Variants in ENOX1 observed in about 807,000 individuals in gnomAD.
The protein encoded by ENOX1 is candidate growth-related and time keeping constitutive hydroquinone (NADH) oxidase.
Under a neutral mutation model 82.5 loss-of-function variants are expected in ENOX1, and 42 were observed. That is an observed-to-expected ratio of 0.51 (90% CI 0.40 to 0.66). The LOEUF (loss-of-function observed/expected upper bound fraction) is 0.66, where lower values mean the gene tolerates loss of function less well. Ranked by LOEUF, ENOX1 falls within the 30% of genes least tolerant of loss-of-function variation. ENOX1 has a pLI of 0.00. For missense variants in ENOX1, 608 were observed against 811.6 expected, an observed-to-expected ratio of 0.75 and a Z score of 3.05; for synonymous variants, 271 against 282.2, an observed-to-expected ratio of 0.96 and a Z score of 0.40.
intron 16 of ENOX1, among the ~76,000 whole-genome samples, chr13:43,219,481 C>A (rs1026927714): frequency 2.6e-5 from 4 of 152,010 alleles, no homozygotes; most frequent in African/African-American, 9.7e-5. Flanking sequence ...AAATTTGTGG[C>A]CTATATATTT....
At chr13:43,277,012 C>A (rs1366593936) in intron 12 of ENOX1, among the ~76,000 whole-genome samples, 1 of 152,196 alleles carries the variant, frequency 6.6e-6, no homozygotes, top group Non-Finnish European at 1.5e-5. Flanking sequence ...TGGTGCCCCC[C>A]TCCCTGCCTC....
intron 1 of ENOX1, among the ~76,000 whole-genome samples, chr13:43,714,466 C>T (rs1342958066): frequency 2.0e-5 from 3 of 152,040 alleles, no homozygotes; most frequent in Admixed American, 2.0e-4. Context: ...TCCTGGGTAT[C>T]TTTGTTAACT....
At chr13:43,380,834 G>C (rs2051991080) in intron 5 of ENOX1, among the ~76,000 whole-genome samples, 1 of 151,616 alleles carries the variant, frequency 6.6e-6, no homozygotes, top group Admixed American at 6.6e-5. Context: ...TAATGATAAA[G>C]AGGTCAATTT....
chr13:43,708,227 T>G (rs542270918), intron 1 of ENOX1, among the ~76,000 whole-genome samples: 2 of 152,300 alleles, frequency 1.3e-5, no homozygotes, highest in African/African-American at 2.4e-5. Flanking sequence ...CAAGTGAGCA[T>G]GCGTACAACT....
chr13:43,720,725 T>C (rs895867745), intron 1 of ENOX1, among the ~76,000 whole-genome samples: 3 of 152,236 alleles, frequency 2.0e-5, no homozygotes, highest in African/African-American at 4.8e-5. Context: ...TGTGTCCCCA[T>C]TCCTTTCTAC....
intron 2 of ENOX1, among the ~76,000 whole-genome samples, chr13:43,500,035 G>A (rs1024389218): frequency 6.6e-6 from 1 of 151,992 alleles, no homozygotes; most frequent in Admixed American, 6.6e-5. Context: ...AAAGAAGAAA[G>A]AAAAGTGTGA....
intron 2 of ENOX1, among the ~76,000 whole-genome samples, chr13:43,583,065 CT>C (rs1166000869): frequency 6.6e-6 from 1 of 152,020 alleles, no homozygotes; most frequent in African/African-American, 2.4e-5. Context: ...CTTGCCAAAC[CT>C]TTCAAATAAC....
At chr13:43,480,196 C>T (rs539546996) in intron 3 of ENOX1, among the ~76,000 whole-genome samples, 57 of 152,242 alleles carry the variant, frequency 3.7e-4, no homozygotes, top group African/African-American at 1.3e-3. Context: ...GCCTCGGCCT[C>T]CCAAAGTGCT....
At chr13:43,775,652 G>C (rs1465702497) in intron 1 of ENOX1, among the ~76,000 whole-genome samples, 3 of 152,178 alleles carry the variant, frequency 2.0e-5, no homozygotes, top group Non-Finnish European at 2.9e-5. Context: ...CTTAGAGATA[G>C]CGCTAAAGCT....
intron 2 of ENOX1, among the ~76,000 whole-genome samples, chr13:43,528,819 A>G (rs1379384781): frequency 6.6e-6 from 1 of 152,022 alleles, no homozygotes; most frequent in African/African-American, 2.4e-5. Flanking sequence ...TTTCTTTCTT[A>G]GGTAGATTTT....
intron 5 of ENOX1, among the ~76,000 whole-genome samples, chr13:43,367,593 C>A (rs896731106): frequency 1.7e-4 from 26 of 152,168 alleles, no homozygotes; most frequent in African/African-American, 6.0e-4. Context: ...CTGGATCCTT[C>A]AGTGAGAACA....
chr13:43,214,179 G>C, intron 16 of ENOX1, 58 bp from the exon 17 acceptor site: 1 of 1,570,928 alleles, frequency 6.4e-7, no homozygotes, highest in Non-Finnish European at 8.7e-7. Context: ...AAGGAGGAAT[G>C]GATTGGGGAA....
chr13:43,451,801 G>A (rs1030288439), intron 3 of ENOX1, among the ~76,000 whole-genome samples: 1 of 152,062 alleles, frequency 6.6e-6, no homozygotes, highest in South Asian at 2.1e-4. Context: ...TCATTCATTT[G>A]GTTATTCTAG....
At position 43,391,141 on chromosome 13, in the gene ENOX1, C is replaced by T. The variant is rs113273383; in HGVS notation, c.208+20775G>A. On this transcript the variant is annotated intron_variant, in intron 5 of 16. Coordinates refer to ENST00000690772, the MANE Select transcript of ENOX1 (RefSeq NM_001347969.2). Reference sequence around the variant, plus strand: ...CCCCCATTGCAGTCTTTTAACTTTGCCCCTCAGAAGAAATCAATCATGCCG... The same window carrying T: ...CCCCCATTGCAGTCTTTTAACTTTGTCCCTCAGAAGAAATCAATCATGCCG... Among the ~76,000 whole-genome samples the T allele has an allele frequency of 3.0e-3, 454 of 152,158 alleles. 1 individual carries two copies. Among genetic ancestry groups the T allele is most frequent in the African/African-American group, 0.01 (433 of 41,518 alleles).
intron 2 of ENOX1, chr13:43,610,025 T>G (rs770772082): frequency 3.3e-6 from 1 of 300,194 alleles, no homozygotes; most frequent in Non-Finnish European, 4.9e-6. Flanking sequence ...TTGCACCTTC[T>G]CATAAGTATA....
At chr13:43,499,561 A>T (rs2076908522) in intron 2 of ENOX1, among the ~76,000 whole-genome samples, 1 of 152,060 alleles carries the variant, frequency 6.6e-6, no homozygotes, top group Non-Finnish European at 1.5e-5. Flanking sequence ...CCACCTGCAG[A>T]CCCTGTCAAA....
intron 1 of ENOX1, among the ~76,000 whole-genome samples, chr13:43,700,673 A>G (rs1443464386): frequency 6.6e-6 from 1 of 152,112 alleles, no homozygotes; most frequent in African/African-American, 2.4e-5. Flanking sequence ...CTAAATATCA[A>G]ACGCCCTTTA....
chr13:43,637,504 C>A (rs554898541), intron 2 of ENOX1, among the ~76,000 whole-genome samples: 1 of 148,086 alleles, frequency 6.8e-6, no homozygotes, highest in South Asian at 2.1e-4. Flanking sequence ...CCCTGAAGAT[C>A]TGCAGCTCAT....
chr13:43,442,473 C>T (rs183265014), intron 3 of ENOX1, among the ~76,000 whole-genome samples: 3 of 152,280 alleles, frequency 2.0e-5, no homozygotes, highest in African/African-American at 7.2e-5. Context: ...AGCAGTGACC[C>T]TGCATTCTGA....
Sources: allele counts gnomAD v4.1 joint callset (sites outside exome capture counted in the v4.1 genomes callset), GRCh38; gene constraint gnomAD v4.1.1; transcripts MANE v1.5; gene names NCBI Gene and HGNC (gene_info 2026-07-23, HGNC 2026-07-21).